The following PALLD variants were observed in gnomAD, a reference collection of about 807,000 sequenced individuals.
The protein encoded by PALLD is palladin, cytoskeletal associated protein, also known as palladin.
PALLD carries 61 observed loss-of-function variants against 123.5 expected under a neutral mutation model. The ratio of observed to expected loss-of-function variants is 0.49; its 90% CI spans 0.40 to 0.61. The LOEUF (loss-of-function observed/expected upper bound fraction) is 0.61, where lower values mean the gene tolerates loss of function less well. PALLD is among the 20% of genes least tolerant of loss of function. PALLD has a pLI of 0.00. For missense variants in PALLD, 1,273 were observed against 1,377.0 expected (o/e 0.92, Z 1.20); for synonymous variants, 465 against 496.4 (o/e 0.94, Z 0.84).
At chr4:168,913,551 A>C (rs1441270746) in intron 15 of PALLD, among the ~76,000 whole-genome samples, 3 of 152,250 alleles carry the variant, frequency 2.0e-5, no homozygotes, top group East Asian at 1.9e-4. Context: ...TGACCATGAA[A>C]ATGGAATCTT....
chr4:168,695,180 T>C (rs1403233661), intron 8 of PALLD, among the ~76,000 whole-genome samples: 1 of 152,184 alleles, frequency 6.6e-6, no homozygotes, highest in African/African-American at 2.4e-5. Flanking sequence ...TCTTGTACGG[T>C]AGAGTCTAGG....
intron 2 of PALLD, chr4:168,598,239 T>A (rs1772184045): frequency 1.0e-5 from 4 of 388,352 alleles, no homozygotes; most frequent in South Asian, 4.7e-5. Flanking sequence ...CAGAAAAAAA[T>A]TTAGTTAGCT....
chr4:168,841,007 C>T (rs973690105), intron 10 of PALLD, among the ~76,000 whole-genome samples: 1 of 152,048 alleles, frequency 6.6e-6, no homozygotes, highest in African/African-American at 2.4e-5. Flanking sequence ...CGTGCCACCA[C>T]GCCTGGCTAC....
At chr4:168,675,498 G>A (rs13137200) in intron 3 of PALLD, among the ~76,000 whole-genome samples, 71,925 of 151,998 alleles carry the variant, frequency 0.47, 18,853 homozygotes, top group Non-Finnish European at 0.6. Flanking sequence ...CCATTCACTG[G>A]GTTTTGAAAA....
intron 10 of PALLD, among the ~76,000 whole-genome samples, chr4:168,758,190 C>T (rs1732162345): frequency 6.6e-6 from 1 of 152,042 alleles, no homozygotes; most frequent in South Asian, 2.1e-4. Flanking sequence ...CCTGATGGCT[C>T]CTTCCTGCTA....
intron 2 of PALLD, among the ~76,000 whole-genome samples, chr4:168,616,289 A>C (rs1056273245): frequency 6.6e-6 from 1 of 152,188 alleles, no homozygotes; most frequent in Non-Finnish European, 1.5e-5. Flanking sequence ...TTGGGTCTTA[A>C]GGATAAGTAG....
chr4:168,782,723 A>C (rs1736093703), intron 10 of PALLD, among the ~76,000 whole-genome samples: 1 of 152,162 alleles, frequency 6.6e-6, no homozygotes, highest in East Asian at 1.9e-4. Flanking sequence ...AGCGTAGCCA[A>C]CATGGTGAAA....
chr4:168,878,352 C>A lies in PALLD; in HGVS notation c.1965-12570C>A, dbSNP rs587780761. ...CTGCTGCCCTCGCAGCCGCCGCCGG[C>A]GGCCGTCAACGCCCTGGGGCTGCCC... On this transcript the variant is annotated intron_variant, in intron 10 of 21. Transcript: ENST00000505667. The A allele has an allele frequency of 6.6e-7, 1 of 1,518,956 alleles. No homozygotes were observed. Among genetic ancestry groups the A allele is most frequent in the African/African-American group, 1.4e-5 (1 of 71,458 alleles). The allele number at this position is 1,518,956 out of a possible 1,614,324, so 94.1% of individuals were successfully genotyped here.
In PALLD at chr4:168,683,057, G is replaced by T; in HGVS notation, c.1214G>T (p.Gly405Val). ...LTIGSSSPKT[G>V]VTTAVIQPLS... ...ATAGGATCATCATCTCCAAAGACAG[G>T]GGTGACCACAGCTGTGATTCAACCA... Residue 405 changes from glycine (G) to valine (V), a missense_variant, in exon 5 of 22, where the codon GGG becomes GTG. Around this residue, in one of 2 missense-constraint regions of PALLD, gnomAD observed 944 missense variants for 954.5 expected, o/e 0.99. Coordinates refer to ENST00000505667, the MANE Select transcript of PALLD (RefSeq NM_001166108.2). 6.2e-7 allele frequency: 1 copy of T among 1,612,704 alleles called. No homozygotes were observed. Among genetic ancestry groups the T allele is most frequent in the South Asian group, 1.1e-5 (1 of 90,992 alleles).
chr4:168,797,750 C>A (rs1403945389), intron 10 of PALLD, among the ~76,000 whole-genome samples: 1 of 152,058 alleles, frequency 6.6e-6, no homozygotes, highest in Non-Finnish European at 1.5e-5. Context: ...AGAAGTTGAA[C>A]ACACAGCTGA....
intron 18 of PALLD, among the ~76,000 whole-genome samples, chr4:168,923,333 T>C (rs527785048): frequency 6.6e-6 from 1 of 152,314 alleles, no homozygotes; most frequent in South Asian, 2.1e-4. Flanking sequence ...TTTTCATCCT[T>C]TTTGAGCTCT....
At chr4:168,575,337 G>A (rs1769443718) in intron 2 of PALLD, among the ~76,000 whole-genome samples, 1 of 151,994 alleles carries the variant, frequency 6.6e-6, no homozygotes, top group Non-Finnish European at 1.5e-5. Context: ...ATGGTGGAGG[G>A]GAAGCAGGCA....
At position 168,731,080 on chromosome 4, in the gene PALLD, T is replaced by G. The variant is rs185997789; in HGVS notation, c.1964+19157T>G. On this transcript the variant is annotated intron_variant, in intron 10 of 21. Coordinates refer to ENST00000505667, the MANE Select transcript of PALLD (RefSeq NM_001166108.2). ...TTCCTCTTCCCCACCTTCAGAGGAATCTAGTGATCAAGGTTTCTGCTGCTC... is the reference window on the plus strand; with the variant it reads ...TTCCTCTTCCCCACCTTCAGAGGAAGCTAGTGATCAAGGTTTCTGCTGCTC... Among the ~76,000 whole-genome samples the G allele has an allele frequency of 1.1e-3, 162 of 152,284 alleles. 4 individuals are homozygous for G. The highest frequency in any genetic ancestry group is 0.011 in the Admixed American group (162 of 15,292).
At chr4:168,561,042 T>C (rs995656658) in intron 2 of PALLD, among the ~76,000 whole-genome samples, 4 of 152,072 alleles carry the variant, frequency 2.6e-5, no homozygotes, top group African/African-American at 9.7e-5. Flanking sequence ...TTTCAGTGCC[T>C]GTTATTATGC....
chr4:168,589,768 T>A lies in PALLD; in HGVS notation c.908+77356T>A, dbSNP rs1036643708. On this transcript the variant is annotated intron_variant, in intron 2 of 21. Coordinates refer to ENST00000505667, the MANE Select transcript of PALLD (RefSeq NM_001166108.2). ...TCGCAACTGAAAGAATCAAGCCTAATGGACTTTTCTGCCCAGTGCCAGACT... is the reference window on the plus strand; with the variant it reads ...TCGCAACTGAAAGAATCAAGCCTAAAGGACTTTTCTGCCCAGTGCCAGACT... 3.9e-5 allele frequency among the ~76,000 whole-genome samples: 6 copies of A among 152,338 alleles called. No individual in the cohort carries two copies. In the East Asian group the frequency reaches 9.6e-4, roughly 24 times the overall value.
intron 10 of PALLD, among the ~76,000 whole-genome samples, chr4:168,716,127 A>G (rs1220116486): frequency 6.6e-6 from 1 of 152,106 alleles, no homozygotes; most frequent in Non-Finnish European, 1.5e-5. Flanking sequence ...ATAAATAACA[A>G]TATGCTGTTT....
chr4:168,806,807 T>A (rs937354610), intron 10 of PALLD, among the ~76,000 whole-genome samples: 1 of 152,158 alleles, frequency 6.6e-6, no homozygotes, highest in South Asian at 2.1e-4. Flanking sequence ...AGCAAAATAT[T>A]TGTTCTTATT....
intron 2 of PALLD, among the ~76,000 whole-genome samples, chr4:168,539,748 A>G (rs1765433352): frequency 6.6e-6 from 1 of 152,088 alleles, no homozygotes; most frequent in African/African-American, 2.4e-5. Context: ...TACCCTGTTG[A>G]TTCTTCCAAA....
chr4:168,715,364 T>C (rs1359247128), intron 10 of PALLD, among the ~76,000 whole-genome samples: 1 of 152,232 alleles, frequency 6.6e-6, no homozygotes, highest in Non-Finnish European at 1.5e-5. Context: ...TACCACCCGC[T>C]GTGGGACTGC....
Sources: gnomAD v4.1 joint callset for allele counts (sites outside exome capture counted in the v4.1 genomes callset) on GRCh38, gnomAD v4.1.1 for gene constraint, gnomAD v4.1.1 regional missense constraint, MANE v1.5 for transcripts, NCBI Gene and HGNC (gene_info 2026-07-23, HGNC 2026-07-21) for gene names.